CTNNBL1: variants seen among roughly 807,000 people sequenced by gnomAD.
CTNNBL1 encodes beta-catenin-like protein 1.
A neutral mutation model predicts 72.7 loss-of-function variants in CTNNBL1; 31 were observed. The ratio of observed to expected loss-of-function variants is 0.43; its 90% CI spans 0.32 to 0.58. The LOEUF (loss-of-function observed/expected upper bound fraction) is 0.58, where lower values mean the gene tolerates loss of function less well. Ranked by LOEUF, CTNNBL1 falls within the 20% of genes least tolerant of loss-of-function variation. The pLI, the probability that CTNNBL1 is intolerant of heterozygous loss-of-function variation, is 0.08. For synonymous variants in CTNNBL1, 240 were observed against 267.3 expected (o/e 0.90, Z 1.00); for missense variants, 534 against 725.1 (o/e 0.74, Z 3.03).
At chr20:37,857,203 A>G (rs2072450496) in intron 13 of CTNNBL1, among the ~76,000 whole-genome samples, 3 of 152,338 alleles carry the variant, frequency 2.0e-5, no homozygotes, top group Admixed American at 1.3e-4. Flanking sequence ...AGAACGTTCT[A>G]TTTTTAAACT....
At chr20:37,706,758 A>G (rs1218217612) in intron 1 of CTNNBL1, among the ~76,000 whole-genome samples, 1 of 152,238 alleles carries the variant, frequency 6.6e-6, no homozygotes, top group Non-Finnish European at 1.5e-5. Context: ...TCTTTTCCAG[A>G]AAGTTTTCAA....
intron 1 of CTNNBL1, among the ~76,000 whole-genome samples, chr20:37,716,689 A>G (rs2072989134): frequency 6.6e-6 from 1 of 152,174 alleles, no homozygotes. Flanking sequence ...ATAACACCAG[A>G]CACTTCATTC....
At chr20:37,783,431 A>G (rs1017906437) in intron 10 of CTNNBL1, among the ~76,000 whole-genome samples, 4 of 151,652 alleles carry the variant, frequency 2.6e-5, no homozygotes, top group South Asian at 2.1e-4. Context: ...TTACTTTTCT[A>G]ATTCTTTAAG....
At chr20:37,724,128 T>C (rs924616143) in intron 1 of CTNNBL1, among the ~76,000 whole-genome samples, 6 of 152,228 alleles carry the variant, frequency 3.9e-5, no homozygotes, top group Non-Finnish European at 7.3e-5. Context: ...TTCAATTTGG[T>C]TAGACCAATG....
At chr20:37,803,247 G>A (rs1159506671) in intron 11 of CTNNBL1, among the ~76,000 whole-genome samples, 199 bp downstream of exon 11, 1 of 152,126 alleles carries the variant, frequency 6.6e-6, no homozygotes, top group African/African-American at 2.4e-5. Context: ...TTCTCTGCTT[G>A]TTTGAATCCT....
intron 13 of CTNNBL1, among the ~76,000 whole-genome samples, chr20:37,849,044 TC>T (rs1250083471): frequency 6.6e-6 from 1 of 152,156 alleles, no homozygotes; most frequent in Non-Finnish European, 1.5e-5. Flanking sequence ...TGTTTACTCC[TC>T]TCCCTCCACC....
In CTNNBL1 at chr20:37,716,432, T is replaced by G. The variant is rs573635837; in HGVS notation, c.31-16447T>G. 9.9e-5 allele frequency among the ~76,000 whole-genome samples: 15 copies of G among 152,090 alleles called. No homozygotes were observed. In the South Asian group the frequency reaches 3.1e-3, roughly 32 times the overall value. Reference sequence around the variant, plus strand: ...ATGGCCAGGAGGTCAGAGTTCTCTGTTTTTTTTCCAGGTGGGGAAGTATTT... The same window carrying G: ...ATGGCCAGGAGGTCAGAGTTCTCTGGTTTTTTTCCAGGTGGGGAAGTATTT... On this transcript the variant is annotated intron_variant, in intron 1 of 15. Coordinates refer to ENST00000361383, the MANE Select transcript of CTNNBL1 (RefSeq NM_030877.5).
intron 5 of CTNNBL1, among the ~76,000 whole-genome samples, chr20:37,763,472 C>G (rs1246258054): frequency 6.6e-6 from 1 of 152,166 alleles, no homozygotes; most frequent in African/African-American, 2.4e-5. Flanking sequence ...AAATCTAATT[C>G]ATTTGTGATT....
In CTNNBL1 at chr20:37,722,942, G is replaced by T. The variant is rs6125989; in HGVS notation, c.31-9937G>T. 2.8e-3 allele frequency among the ~76,000 whole-genome samples: 430 copies of T among 152,292 alleles called. 5 individuals are homozygous for T. The highest frequency in any genetic ancestry group is 0.017 in the East Asian group (89 of 5,184). On this transcript the variant is annotated intron_variant, in intron 1 of 15. Coordinates refer to ENST00000361383, the MANE Select transcript of CTNNBL1 (RefSeq NM_030877.5). ...ACTTCCTTAATGAATGAATGGATGC[G>T]GATGGTTCTGGTGTAGCTGACAAAA...
At position 37,765,310 on chromosome 20, in the gene CTNNBL1, C is replaced by A. The variant is rs1336831157; in HGVS notation, c.658+20C>A. On this transcript the variant is annotated intron_variant, in intron 6 of 15. Coordinates refer to ENST00000361383, the MANE Select transcript of CTNNBL1 (RefSeq NM_030877.5). ...CTCTGGGTGAGAGGAAGGGTGCTTG[C>A]CATTGCCTGAGTTGCTTTGTGTTTG... 12 of 1,471,440 alleles carry A rather than the reference C, an allele frequency of 8.2e-6. No homozygotes were observed. Among genetic ancestry groups the A allele is most frequent in the Non-Finnish European group, 1.1e-5 (12 of 1,073,840 alleles). 91.1% of individuals were successfully genotyped at this position (1,471,440 alleles called of 1,614,324 possible).
intron 1 of CTNNBL1, among the ~76,000 whole-genome samples, chr20:37,698,629 C>G (rs1225631080): frequency 2.0e-5 from 3 of 152,200 alleles, no homozygotes; most frequent in South Asian, 4.1e-4. Flanking sequence ...TCTGTTCATT[C>G]AGTTTTCTTT....
intron 11 of CTNNBL1, among the ~76,000 whole-genome samples, chr20:37,812,698 G>A (rs2072022737): frequency 6.6e-6 from 1 of 152,156 alleles, no homozygotes; most frequent in South Asian, 2.1e-4. Context: ...TGCTGTAGCT[G>A]GAAGCTGAAC....
chr20:37,805,767 T>G (rs935344140), intron 11 of CTNNBL1, among the ~76,000 whole-genome samples: 1 of 152,204 alleles, frequency 6.6e-6, no homozygotes, highest in Non-Finnish European at 1.5e-5. Flanking sequence ...TAGAATCTTC[T>G]GTTCAGTGGA....
chr20:37,754,642 T>C (rs1173421855), intron 4 of CTNNBL1, among the ~76,000 whole-genome samples: 2 of 152,198 alleles, frequency 1.3e-5, no homozygotes, highest in African/African-American at 4.8e-5. Flanking sequence ...AGTTCTTTTC[T>C]CTGTGGTTAC....
At chr20:37,833,026 G>C (rs528536206) in intron 11 of CTNNBL1, among the ~76,000 whole-genome samples, 41 of 152,286 alleles carry the variant, frequency 2.7e-4, no homozygotes, top group African/African-American at 9.4e-4. Context: ...TGTTTCGGGA[G>C]GGTAGCATGC....
intron 12 of CTNNBL1, among the ~76,000 whole-genome samples, chr20:37,841,065 C>G (rs1350144019): frequency 6.6e-6 from 1 of 152,206 alleles, no homozygotes; most frequent in African/African-American, 2.4e-5. Context: ...TGAGTGACTA[C>G]TATGGATTGG....
chr20:37,871,930 G>A lies in CTNNBL1; in HGVS notation c.1609G>A (p.Ala537Thr). 6.2e-7 allele frequency: 1 copy of A among 1,613,860 alleles called. No individual in the cohort carries two copies. The highest frequency in any genetic ancestry group is 8.5e-7 in the Non-Finnish European group (1 of 1,179,778). ...CTCTATCTTTGTCCCCCTAGAGTAT[G>A]CAGAGAACATCGGGGACGGCCGGAG... ...KIVRHIIKEY[A>T]ENIGDGRSPE... Residue 537 changes from alanine to threonine, a missense_variant, in exon 16 of 16, where the codon GCA (alanine) becomes ACA (threonine). Coordinates refer to ENST00000361383, the MANE Select transcript of CTNNBL1 (RefSeq NM_030877.5).
At chr20:37,718,246 C>A (rs1198132174) in intron 1 of CTNNBL1, among the ~76,000 whole-genome samples, 1 of 145,874 alleles carries the variant, frequency 6.9e-6, no homozygotes, top group Non-Finnish European at 1.5e-5. Flanking sequence ...GCTGACCCCC[C>A]CACCTCCCTC....
chr20:37,720,164 AC>A (rs1431530697), intron 1 of CTNNBL1, among the ~76,000 whole-genome samples: 1 of 152,060 alleles, frequency 6.6e-6, no homozygotes, highest in Non-Finnish European at 1.5e-5. Context: ...AGTAGCTGGG[AC>A]CACAGGCGCC....
Sources: allele counts gnomAD v4.1 joint callset (sites outside exome capture counted in the v4.1 genomes callset), GRCh38; gene constraint gnomAD v4.1.1; transcripts MANE v1.5; gene names NCBI Gene and HGNC (gene_info 2026-07-23, HGNC 2026-07-21).